Variants in PXDC1 observed in about 807,000 individuals in gnomAD.
PXDC1 encodes the protein PX domain-containing protein 1.
Under a neutral mutation model 24.4 loss-of-function variants are expected in PXDC1, and 13 were observed. The observed-to-expected ratio is 0.53, with a 90% CI of 0.35 to 0.85. PXDC1 has a LOEUF of 0.85. PXDC1 is among the 40% of genes least tolerant of loss of function. The pLI, the probability that PXDC1 is intolerant of heterozygous loss-of-function variation, is 0.01. For synonymous variants in PXDC1, 162 were observed against 124.9 expected (o/e 1.30, Z -1.98); for missense variants, 344 against 309.3 (o/e 1.11, Z -0.84).
intron 3 of PXDC1, among the ~76,000 whole-genome samples, chr6:3,732,657 C>A (rs995399469): frequency 2.0e-5 from 3 of 152,258 alleles, no homozygotes; most frequent in African/African-American, 7.2e-5. Context: ...GGATGCAGTC[C>A]ATCCTGACTG....
chr6:3,751,605 G>A lies in PXDC1; in HGVS notation c.-74C>T. On this transcript the variant is annotated 5_prime_UTR_variant, in exon 1 of 5. Coordinates refer to ENST00000380283, the MANE Select transcript of PXDC1 (RefSeq NM_183373.4). ...GCCCGCAGGAGGCGCGCCCCGGCCG[G>A]GGTCGTCCCGGGTCTGTCCGTGGCC... 1 of 1,399,302 alleles carries A rather than the reference G, an allele frequency of 7.1e-7. No homozygotes were observed. Among genetic ancestry groups the A allele is most frequent in the Non-Finnish European group, 9.2e-7 (1 of 1,083,570 alleles). The allele number at this position is 1,399,302 out of a possible 1,614,324, so 86.7% of individuals were successfully genotyped here. A position where few individuals can be genotyped will look rare whatever the true frequency, so the allele number is the denominator to read the frequency against.
rs1760040420 is a variant in PXDC1, at chr6:3,725,410, T to C, written c.579-1674A>G. 6.6e-6 allele frequency among the ~76,000 whole-genome samples: 1 copy of C among 152,176 alleles called. No homozygotes were observed. Among genetic ancestry groups the C allele is most frequent in the South Asian group, 2.1e-4 (1 of 4,828 alleles). On this transcript the variant is annotated intron_variant, in intron 4 of 4. Transcript: ENST00000380283. This position sits in a 1 kb window ranked among gnomAD's most constrained non-coding sequence, Gnocchi z 4.8. Reference sequence around the variant, plus strand: ...GCAATCCCTTCGCCAGCTGAGACTGTCACCTGCAGAGCCCCAGAAGTCCCC... The same window carrying C: ...GCAATCCCTTCGCCAGCTGAGACTGCCACCTGCAGAGCCCCAGAAGTCCCC...
chr6:3,730,125 T>G (rs1025702706), intron 3 of PXDC1, among the ~76,000 whole-genome samples: 1 of 151,890 alleles, frequency 6.6e-6, no homozygotes, highest in African/African-American at 2.4e-5. Context: ...GCATGGACCT[T>G]GCTGTCTCAG....
rs114001538 is a variant in PXDC1, at chr6:3,730,767, A to G, written c.467-3105T>C. ...ACGGGACCAGGGAGCCTGACTTGTAACAAAATCCACTGATAACTTGCCATG... is the reference window on the plus strand; with the variant it reads ...ACGGGACCAGGGAGCCTGACTTGTAGCAAAATCCACTGATAACTTGCCATG... On this transcript the variant is annotated intron_variant, in intron 3 of 4. Transcript: ENST00000380283. Among the ~76,000 whole-genome samples the G allele has an allele frequency of 5.4e-3, 820 of 152,322 alleles. 13 individuals are homozygous for G. Among genetic ancestry groups the G allele is most frequent in the African/African-American group, 0.019 (779 of 41,574 alleles).
At chr6:3,729,704 A>G (rs1032573754) in intron 3 of PXDC1, among the ~76,000 whole-genome samples, 2 of 152,218 alleles carry the variant, frequency 1.3e-5, no homozygotes, top group African/African-American at 2.4e-5. Flanking sequence ...GCACAGAACC[A>G]CTGCCTTTAT....
chr6:3,750,628 C>T (rs1291084849), intron 1 of PXDC1, among the ~76,000 whole-genome samples: 4 of 152,198 alleles, frequency 2.6e-5, no homozygotes, highest in Admixed American at 2.6e-4. Flanking sequence ...AGGACGGTCA[C>T]GAGGCCGGGG....
chr6:3,738,813 A>C (rs1367108058), intron 1 of PXDC1: 1 of 1,303,246 alleles, frequency 7.7e-7, no homozygotes, highest in South Asian at 1.2e-5. Context: ...CGAGGCATGA[A>C]GGCTCGGGTG....
intron 1 of PXDC1, among the ~76,000 whole-genome samples, chr6:3,745,133 G>A (rs530768000): frequency 3.3e-5 from 5 of 152,346 alleles, no homozygotes; most frequent in South Asian, 2.1e-4. Context: ...ACTGAAGTTC[G>A]GTGGTGACCT....
chr6:3,732,600 T>C (rs1561733278), intron 3 of PXDC1, among the ~76,000 whole-genome samples: 1 of 152,218 alleles, frequency 6.6e-6, no homozygotes, highest in Non-Finnish European at 1.5e-5. Flanking sequence ...TGATAAGCAT[T>C]GGGACAAAGA....
rs530344034 is a variant in PXDC1 at position 3,728,875 on chromosome 6, G to C, written c.467-1213C>G. On this transcript the variant is annotated intron_variant, in intron 3 of 4. Transcript: ENST00000380283. This position sits in a 1 kb window ranked among gnomAD's most constrained non-coding sequence, Gnocchi z 4.0. Reference sequence around the variant, plus strand: ...TGGAGCTAAAGTCCTCCAGCTGCCCGTGAGCCTGCTCATCTCCTAACCACA... The same window carrying C: ...TGGAGCTAAAGTCCTCCAGCTGCCCCTGAGCCTGCTCATCTCCTAACCACA... Among the ~76,000 whole-genome samples the C allele has an allele frequency of 6.6e-6, 1 of 152,272 alleles. No individual in the cohort carries two copies. Among genetic ancestry groups the C allele is most frequent in the South Asian group, 2.1e-4 (1 of 4,822 alleles).
intron 4 of PXDC1, 79 bp from the exon 5 acceptor site, chr6:3,723,815 G>T: frequency 9.4e-7 from 1 of 1,064,878 alleles, no homozygotes. Context: ...CCATGAGCAT[G>T]ACTTTCAATG....
At chr6:3,726,135 C>T (rs1760059017) in intron 4 of PXDC1, among the ~76,000 whole-genome samples, 3 of 152,168 alleles carry the variant, frequency 2.0e-5, no homozygotes. Flanking sequence ...AGAAAGGGGT[C>T]CCCTTGCAAA....
At position 3,737,282 on chromosome 6, in the gene PXDC1, C is replaced by T. The variant is rs1268529174; in HGVS notation, c.349-86G>A. 11 of 916,098 alleles carry T rather than the reference C, an allele frequency of 1.2e-5. No homozygotes were observed. Among genetic ancestry groups the T allele is most frequent in the Admixed American group, 1.8e-5 (1 of 54,250 alleles). The allele number at this position is 916,098 out of a possible 1,614,324, so 56.7% of individuals were successfully genotyped here. The stretch of plus-strand genomic sequence containing the variant: ...CTACCAAGAGAGGGCCCCGCTCCTC[C>T]GCAGAGGCAGCCTGTGTGATGCAAA... On this transcript the variant is annotated intron_variant, in intron 2 of 4. Coordinates refer to ENST00000380283, the MANE Select transcript of PXDC1 (RefSeq NM_183373.4). The surrounding 1 kb of genome is among the most constrained non-coding windows in gnomAD (Gnocchi z 5.5).
chr6:3,735,465 T>C (rs530406452), intron 3 of PXDC1, among the ~76,000 whole-genome samples: 1 of 152,326 alleles, frequency 6.6e-6, no homozygotes, highest in South Asian at 2.1e-4. Flanking sequence ...TGTGGCAACA[T>C]GAATGAGCCT....
At chr6:3,748,802 T>G (rs992369465) in intron 1 of PXDC1, among the ~76,000 whole-genome samples, 1 of 152,160 alleles carries the variant, frequency 6.6e-6, no homozygotes, top group Admixed American at 6.5e-5. Context: ...AATGCAAATC[T>G]AACCCGTCCC....
chr6:3,746,561 A>C (rs186033431), intron 1 of PXDC1, among the ~76,000 whole-genome samples: 3 of 152,244 alleles, frequency 2.0e-5, no homozygotes, highest in African/African-American at 7.2e-5. Context: ...ACGCAGGTGA[A>C]TTCTGCACGG....
At chr6:3,735,121 A>T (rs937755279) in intron 3 of PXDC1, among the ~76,000 whole-genome samples, 1 of 152,158 alleles carries the variant, frequency 6.6e-6, no homozygotes, top group African/African-American at 2.4e-5. Flanking sequence ...CAATCCTAAA[A>T]TGTATATGGA....
chr6:3,742,977 G>C (rs961518079), intron 1 of PXDC1, among the ~76,000 whole-genome samples: 1 of 152,186 alleles, frequency 6.6e-6, no homozygotes, highest in Non-Finnish European at 1.5e-5. Flanking sequence ...TTTGTTCTTG[G>C]AATCAGAACT....
In PXDC1 at chr6:3,737,624, G is replaced by A. The variant is rs1235950818; in HGVS notation, c.349-428C>T. On this transcript the variant is annotated intron_variant, in intron 2 of 4. Transcript: ENST00000380283. The surrounding 1 kb of genome is among the most constrained non-coding windows in gnomAD (Gnocchi z 5.5). ...CGAAGCCCGCAGGCTTACATGGAAA[G>A]GGAGTTGACGGTCAAATCCGGGCAA... The A allele has an allele frequency of 3.0e-6, 3 of 983,996 alleles. No individual in the cohort carries two copies. In the African/African-American group the frequency reaches 5.2e-5, roughly 17 times the overall value. 61.0% of individuals were successfully genotyped at this position (983,996 alleles called of 1,614,324 possible). A position where few individuals can be genotyped will look rare whatever the true frequency, so the allele number is the denominator to read the frequency against.
Sources: allele counts gnomAD v4.1 joint callset (sites outside exome capture counted in the v4.1 genomes callset), GRCh38; gene constraint gnomAD v4.1.1; non-coding constraint Gnocchi (gnomAD v3.1); transcripts MANE v1.5; gene names NCBI Gene and HGNC (gene_info 2026-07-23, HGNC 2026-07-21).